The following PHIP variants were observed in gnomAD, a reference collection of about 807,000 sequenced individuals.
PHIP encodes the protein PHIP subunit of CUL4-Ring ligase complex.
A neutral mutation model predicts 236.8 loss-of-function variants in PHIP; 54 were observed. The observed-to-expected ratio is 0.23, with a 90% CI of 0.18 to 0.29. The LOEUF is 0.29. Ranked by LOEUF, PHIP falls within the 10% of genes least tolerant of loss-of-function variation. The probability of loss-of-function intolerance (pLI) is 1.00; values close to 1 mark genes in which losing one functional copy is unlikely to be tolerated. For synonymous variants in PHIP, 756 were observed against 718.9 expected (o/e 1.05, Z -0.83); for missense variants, 1,370 against 2,190.8 (o/e 0.63, Z 7.48).
At chr6:79,041,761 C>G (rs9343862) in intron 7 of PHIP, among the ~76,000 whole-genome samples, 140,523 of 152,074 alleles carry the variant, frequency 0.92, 65,032 homozygotes, top group East Asian at 1. Flanking sequence ...TACAAGAGAA[C>G]GTAAAAAGGG....
chr6:79,007,846 GTCCT>G (rs904117112), intron 15 of PHIP, among the ~76,000 whole-genome samples: 4 of 151,698 alleles, frequency 2.6e-5, no homozygotes, highest in Non-Finnish European at 4.4e-5. Flanking sequence ...CCCTTAAGAA[GTCCT>G]TCCTTATGTA....
rs1431188570 is a variant in PHIP, at chr6:78,965,742, T to G, written c.3340A>C (p.Lys1114Gln). ...AGCTCCATATCCCAAGGACTCATCT[T>G]TTCTGTATCTCCATTGTCCCAGCTT... is the stretch of plus-strand genomic sequence containing the variant. ...NVCWDNGDTEKMSPWDMELIP... is the reference protein window; with the variant it reads ...NVCWDNGDTEQMSPWDMELIP... The change falls in exon 29 of 40, where the codon AAG becomes CAG. Residue 1114 changes from lysine (K) to glutamine (Q), a missense_variant. Physicochemically the swap from Lys to Gln is moderately conservative, Grantham distance 53 (BLOSUM62 1). Around this residue, in one of 14 missense-constraint regions of PHIP, gnomAD observed 238 missense variants for 398.5 expected, o/e 0.60. Transcript: ENST00000275034. The G allele has an allele frequency of 6.4e-7, 1 of 1,568,646 alleles. No homozygotes were observed. The highest frequency in any genetic ancestry group is 1.1e-5 in the South Asian group (1 of 88,098).
chr6:79,016,867 T>G (rs971426493), intron 12 of PHIP, among the ~76,000 whole-genome samples: 1 of 152,000 alleles, frequency 6.6e-6, no homozygotes, highest in African/African-American at 2.4e-5. Flanking sequence ...AAGGTCACTA[T>G]GTACTACCCT....
chr6:79,009,531 A>G (rs1203296165), intron 15 of PHIP, among the ~76,000 whole-genome samples: 1 of 152,036 alleles, frequency 6.6e-6, no homozygotes, highest in African/African-American at 2.4e-5. Context: ...CCCTTAAGGT[A>G]TATTTTGTAT....
rs116644076 is a variant in PHIP at position 78,978,373 on chromosome 6, C to G, written c.2889+219G>C. On this transcript the variant is annotated intron_variant, in intron 24 of 39. Transcript: ENST00000275034. ...CATACATTTCTTTTTAAAACACTAA[C>G]AAAATTTTCATTCTTATAATATTCA... Among the ~76,000 whole-genome samples, 735 of 152,094 alleles carry G rather than the reference C, an allele frequency of 4.8e-3. 7 individuals carry two copies. Among genetic ancestry groups the G allele is most frequent in the African/African-American group, 0.017 (700 of 41,522 alleles).
chr6:79,061,830 TA>T (rs1192902748), intron 4 of PHIP, among the ~76,000 whole-genome samples: 2 of 152,148 alleles, frequency 1.3e-5, no homozygotes. Context: ...TTCCTTTTGA[TA>T]AGACTGATGT....
chr6:79,023,915 G>A (rs1435001761), intron 9 of PHIP, among the ~76,000 whole-genome samples: 6 of 152,180 alleles, frequency 3.9e-5, no homozygotes, highest in Non-Finnish European at 8.8e-5. Context: ...GACAGGAAAA[G>A]AGAAAGGTAT....
At position 79,060,568 on chromosome 6, in the gene PHIP, G is replaced by A. The variant is rs1773320548; in HGVS notation, c.349C>T (p.His117Tyr). Reference protein sequence around the residue: ...SLLRTNKSCKHVVWKGSALAA... With the variant: ...SLLRTNKSCKYVVWKGSALAA... ...AGAGCAGATCCTTTCCACACAACAT[G>A]CTTGCAGCCTATTAAACACATGTAT... The change falls in exon 6 of 40, where the codon CAT becomes TAT. Residue 117 changes from histidine (H) to tyrosine (Y), a missense_variant. His to Tyr is a moderately conservative substitution (Grantham distance 83). Around this residue, in one of 14 missense-constraint regions of PHIP, gnomAD observed 82 missense variants for 203.2 expected, o/e 0.40. Transcript: ENST00000275034. 6.2e-7 allele frequency: 1 copy of A among 1,613,338 alleles called. No individual in the cohort carries two copies. The highest frequency in any genetic ancestry group is 1.3e-5 in the African/African-American group (1 of 74,876).
intron 6 of PHIP, among the ~76,000 whole-genome samples, chr6:79,058,333 C>T (rs1045843408): frequency 6.6e-6 from 1 of 152,012 alleles, no homozygotes; most frequent in African/African-American, 2.4e-5. Flanking sequence ...AATGTATCTC[C>T]TGTGAATAAG....
intron 35 of PHIP, among the ~76,000 whole-genome samples, chr6:78,953,084 A>AT (rs1017303626): frequency 6.6e-6 from 1 of 151,502 alleles, no homozygotes; most frequent in Non-Finnish European, 1.5e-5. Flanking sequence ...AAGGATTAAC[A>AT]TTTTTTCCAT....
intron 4 of PHIP, among the ~76,000 whole-genome samples, chr6:79,066,946 G>A (rs1360151856): frequency 6.6e-6 from 1 of 151,992 alleles, no homozygotes; most frequent in Non-Finnish European, 1.5e-5. Flanking sequence ...CAAGGCTAGG[G>A]GGCACAGTCA....
intron 7 of PHIP, among the ~76,000 whole-genome samples, chr6:79,029,111 C>A (rs1387240708): frequency 6.6e-6 from 1 of 152,152 alleles, no homozygotes; most frequent in Non-Finnish European, 1.5e-5. Context: ...ATATGCTTCC[C>A]TCTGAGTGCA....
intron 21 of PHIP, among the ~76,000 whole-genome samples, chr6:78,986,123 T>C (rs1768853675): frequency 6.6e-6 from 1 of 152,220 alleles, no homozygotes. Context: ...GGCACATTTA[T>C]GTTTTATTTA....
chr6:79,022,480 G>A (rs1393972790), intron 9 of PHIP, among the ~76,000 whole-genome samples: 1 of 152,082 alleles, frequency 6.6e-6, no homozygotes, highest in Non-Finnish European at 1.5e-5. Context: ...AACCTGCTGT[G>A]CCCCAGGTTT....
intron 19 of PHIP, among the ~76,000 whole-genome samples, chr6:78,996,492 T>G (rs549458859): frequency 6.6e-6 from 1 of 152,238 alleles, no homozygotes; most frequent in Admixed American, 6.5e-5. Flanking sequence ...CATTATTTAT[T>G]TGACCCCTTT....
At chr6:79,007,745 A>C (rs1321716330) in intron 15 of PHIP, among the ~76,000 whole-genome samples, 1 of 151,018 alleles carries the variant, frequency 6.6e-6, no homozygotes, top group Non-Finnish European at 1.5e-5. Flanking sequence ...TTATGTATGC[A>C]ACTTTTAAAA....
intron 16 of PHIP, among the ~76,000 whole-genome samples, chr6:79,002,492 T>A (rs2127732086): frequency 6.6e-6 from 1 of 152,182 alleles, no homozygotes; most frequent in Middle Eastern, 3.4e-3. Flanking sequence ...TGTTCCAAAA[T>A]GCATAATGAA....
chr6:78,965,255 G>A (rs1018899770), intron 29 of PHIP, among the ~76,000 whole-genome samples: 3 of 152,098 alleles, frequency 2.0e-5, no homozygotes, highest in African/African-American at 7.2e-5. Context: ...TTCTAAGGCC[G>A]AGTACTAAAA....
chr6:79,016,040 T>C (rs1207318499), intron 13 of PHIP, among the ~76,000 whole-genome samples: 1 of 151,862 alleles, frequency 6.6e-6, no homozygotes, highest in Non-Finnish European at 1.5e-5. Context: ...TAACTCTATC[T>C]AGATCCAGGA....
Sources: gnomAD v4.1 joint callset for allele counts (sites outside exome capture counted in the v4.1 genomes callset) on GRCh38, gnomAD v4.1.1 for gene constraint, gnomAD v4.1.1 regional missense constraint, MANE v1.5 for transcripts, NCBI Gene and HGNC (gene_info 2026-07-23, HGNC 2026-07-21) for gene names.